The following ITGA9 variants were observed in gnomAD, a reference collection of about 807,000 sequenced individuals.
ITGA9 encodes the protein integrin subunit alpha 9, also known as integrin alpha-9.
A neutral mutation model predicts 127.8 loss-of-function variants in ITGA9; 56 were observed. That is an observed-to-expected ratio of 0.44 (90% CI 0.35 to 0.55). The LOEUF is 0.55. Ranked by LOEUF, ITGA9 falls within the 20% of genes least tolerant of loss-of-function variation. The pLI, the probability that ITGA9 is intolerant of heterozygous loss-of-function variation, is 0.00. For missense variants in ITGA9, 1,196 were observed against 1,347.1 expected (o/e 0.89, Z 1.76); for synonymous variants, 508 against 514.5 (o/e 0.99, Z 0.17).
chr3:37,456,708 A>G (rs1008402101), intron 1 of ITGA9, among the ~76,000 whole-genome samples: 1 of 152,238 alleles, frequency 6.6e-6, no homozygotes, highest in African/African-American at 2.4e-5. Context: ...GCTTTGTTAA[A>G]GTTGTCAGAG....
intron 26 of ITGA9, among the ~76,000 whole-genome samples, chr3:37,793,389 A>AACACACAC (rs10575371): frequency 1.7e-3 from 224 of 134,552 alleles, no homozygotes; most frequent in Middle Eastern, 0.015. Flanking sequence ...CAAACAGGTC[A>AACACACAC]ACACACACAC....
At chr3:37,620,412 C>T (rs1249586887) in intron 15 of ITGA9, among the ~76,000 whole-genome samples, 24 of 152,076 alleles carry the variant, frequency 1.6e-4, no homozygotes, top group Non-Finnish European at 4.4e-5. Context: ...TCTCAGGTGG[C>T]GGTGGTGATG....
At chr3:37,532,274 G>C (rs1699159864) in intron 13 of ITGA9, among the ~76,000 whole-genome samples, 1 of 152,150 alleles carries the variant, frequency 6.6e-6, no homozygotes. Flanking sequence ...CACCCTATCT[G>C]TGCCTCGTGT....
At chr3:37,698,044 A>G (rs1379365676) in intron 18 of ITGA9, among the ~76,000 whole-genome samples, 1 of 152,106 alleles carries the variant, frequency 6.6e-6, no homozygotes. Flanking sequence ...GTGTGAGATG[A>G]TATCTTATTG....
rs1490155702 is a variant in ITGA9, at chr3:37,521,996, G to T, written c.1237-1525G>T. 3.3e-5 allele frequency among the ~76,000 whole-genome samples: 5 copies of T among 152,102 alleles called. No individual in the cohort carries two copies. The East Asian group carries it at 9.7e-4, about 29-fold the overall frequency. On this transcript the variant is annotated intron_variant, in intron 11 of 27. Coordinates refer to ENST00000264741, the MANE Select transcript of ITGA9 (RefSeq NM_002207.3). The stretch of plus-strand genomic sequence containing the variant: ...ATCACTTCTAGGAGGGTTATTTGCA[G>T]TTATCAGCTGCTGGGGGTCAGGGGG...
chr3:37,704,136 G>C (rs939454554), intron 18 of ITGA9, among the ~76,000 whole-genome samples: 3 of 152,196 alleles, frequency 2.0e-5, no homozygotes, highest in Non-Finnish European at 2.9e-5. Context: ...GGTGCTTTGT[G>C]AATTAGATCT....
chr3:37,679,884 A>G (rs1700718785), intron 17 of ITGA9, among the ~76,000 whole-genome samples: 1 of 152,148 alleles, frequency 6.6e-6, no homozygotes, highest in African/African-American at 2.4e-5. Context: ...AGTAGGGGAT[A>G]GACAGTCCTC....
Position 37,587,050 on chromosome 3 carries a change from A to ATGCCTTGGGAT in ITGA9, c.1690-42137_1690-42136insTGCCTTGGGAT, listed in dbSNP as rs1575158720. 1.1e-4 allele frequency among the ~76,000 whole-genome samples: 16 copies of ATGCCTTGGGAT among 152,268 alleles called. 1 individual carries two copies. The East Asian group carries it at 3.1e-3, about 29-fold the overall frequency. ...CATTTTTGGGGATGCCTTGGGTTGA[A>ATGCCTTGGGAT]GCTGATTTTTCAGCATCCCTGGTTT... On this transcript the variant is annotated intron_variant, in intron 15 of 27. Transcript: ENST00000264741.
chr3:37,540,146 A>G (rs1421165683), intron 14 of ITGA9, among the ~76,000 whole-genome samples: 1 of 152,148 alleles, frequency 6.6e-6, no homozygotes, highest in East Asian at 1.9e-4. Flanking sequence ...CAGCTAGTTC[A>G]TCTCTGGTAA....
At chr3:37,748,518 C>A in intron 22 of ITGA9, 1 of 493,820 alleles carries the variant, frequency 2.0e-6, no homozygotes, top group Non-Finnish European at 3.7e-6. Context: ...GAGGCCGAGG[C>A]AGGCGGATCA....
chr3:37,462,420 C>T (rs139099981), intron 1 of ITGA9, among the ~76,000 whole-genome samples: 2 of 152,246 alleles, frequency 1.3e-5, no homozygotes, highest in Non-Finnish European at 1.5e-5. Context: ...TATTGCCAAC[C>T]TTTTATGAAT....
chr3:37,520,273 G>A (rs114251744), intron 11 of ITGA9, among the ~76,000 whole-genome samples: 253 of 152,276 alleles, frequency 1.7e-3, no homozygotes, highest in African/African-American at 5.1e-3. Context: ...TGCCTCACCT[G>A]CAGGAGACAG....
intron 15 of ITGA9, among the ~76,000 whole-genome samples, chr3:37,619,555 C>T (rs1700107722): frequency 6.6e-6 from 1 of 152,210 alleles, no homozygotes; most frequent in Non-Finnish European, 1.5e-5. Context: ...GGGTGTTATC[C>T]TGCTGCATCT....
chr3:37,652,609 G>A (rs865841580), intron 16 of ITGA9, among the ~76,000 whole-genome samples: 3 of 152,138 alleles, frequency 2.0e-5, no homozygotes, highest in Non-Finnish European at 2.9e-5. Flanking sequence ...GTTTGCTGGC[G>A]CCCACACTGA....
intron 18 of ITGA9, among the ~76,000 whole-genome samples, chr3:37,701,195 C>T (rs1357534233): frequency 1.3e-5 from 2 of 152,182 alleles, no homozygotes; most frequent in African/African-American, 4.8e-5. Context: ...TTTGCAGGCC[C>T]TTGATAGGGC....
rs1246355409 is a variant in ITGA9, at chr3:37,597,654, A to C, written c.1690-31533A>C. Among the ~76,000 whole-genome samples, 1 of 152,224 alleles carries C rather than the reference A, an allele frequency of 6.6e-6. No individual in the cohort carries two copies. The highest frequency in any genetic ancestry group is 1.5e-5 in the Non-Finnish European group (1 of 68,036). On this transcript the variant is annotated intron_variant, in intron 15 of 27. Coordinates refer to ENST00000264741, the MANE Select transcript of ITGA9 (RefSeq NM_002207.3). The surrounding 1 kb of genome is among the most constrained non-coding windows in gnomAD (Gnocchi z 4.6). ...TGTTTTAAATAAGGTATATAGTGAGAAAAGTGAGCATTGGAGTCTATTTCA... is the reference window on the plus strand; with the variant it reads ...TGTTTTAAATAAGGTATATAGTGAGCAAAGTGAGCATTGGAGTCTATTTCA...
chr3:37,775,433 A>G (rs1374357796), intron 23 of ITGA9, among the ~76,000 whole-genome samples: 1 of 151,764 alleles, frequency 6.6e-6, no homozygotes, highest in Non-Finnish European at 1.5e-5. Context: ...TCATGAGGTC[A>G]GGAGATGGAG....
intron 15 of ITGA9, among the ~76,000 whole-genome samples, chr3:37,592,766 G>A (rs943170090): frequency 5.3e-5 from 8 of 152,322 alleles, no homozygotes; most frequent in African/African-American, 1.7e-4. Context: ...AGGCAATGGA[G>A]TTAACAGGAA....
At chr3:37,517,040 A>G (rs1698990268) in intron 9 of ITGA9, among the ~76,000 whole-genome samples, 2 of 152,210 alleles carry the variant, frequency 1.3e-5, no homozygotes, top group African/African-American at 4.8e-5. Flanking sequence ...CTCTATCAAG[A>G]TAACTCATAT....
Sources: allele counts gnomAD v4.1 joint callset (sites outside exome capture counted in the v4.1 genomes callset), GRCh38; gene constraint gnomAD v4.1.1; non-coding constraint Gnocchi (gnomAD v3.1); transcripts MANE v1.5; gene names NCBI Gene and HGNC (gene_info 2026-07-23, HGNC 2026-07-21).